Variants in PPP2R2C observed in about 807,000 individuals in gnomAD.
PPP2R2C encodes protein phosphatase 2, regulatory subunit B, gamma.
In PPP2R2C, 10 loss-of-function variants were observed where a neutral mutation model predicts 45.3. The ratio of observed to expected loss-of-function variants is 0.22; its 90% CI spans 0.14 to 0.37. The LOEUF (loss-of-function observed/expected upper bound fraction) is 0.37. Among genes scored for constraint, PPP2R2C ranks in the 10% least tolerant of loss-of-function variants. The pLI, the probability that PPP2R2C is intolerant of heterozygous loss-of-function variation, is 1.00. For synonymous variants in PPP2R2C, 257 were observed against 245.4 expected (o/e 1.05, Z -0.44); for missense variants, 308 against 619.7 (o/e 0.50, Z 5.34).
intron 1 of PPP2R2C, among the ~76,000 whole-genome samples, chr4:6,398,630 C>T (rs4689432): frequency 0.17 from 25,221 of 152,018 alleles, 2,393 homozygotes; most frequent in South Asian, 0.26. Context: ...GAGCAAACAG[C>T]CCCTCACACA....
intron 1 of PPP2R2C, chr4:6,383,369 G>A: frequency 1.6e-6 from 2 of 1,289,780 alleles, no homozygotes; most frequent in South Asian, 2.5e-5. Context: ...GTATGCACGG[G>A]GTCTCGTGTT....
In PPP2R2C at chr4:6,471,841, T is replaced by TA. The variant is rs1721903969; in HGVS notation, c.70+318dup. On this transcript the variant is annotated intron_variant, in intron 1 of 8. Coordinates refer to ENST00000382599, the MANE Select transcript of PPP2R2C (RefSeq NM_020416.4). The surrounding 1 kb of genome is among the most constrained non-coding windows in gnomAD (Gnocchi z 5.6). Reference sequence around the variant, plus strand: ...CAGATTAGCCACAGCCGTGGCCTTTTAAAAAATTATGGTCAGGGCCGAATC... The same window carrying TA: ...CAGATTAGCCACAGCCGTGGCCTTTTAAAAAAATTATGGTCAGGGCCGAATC... Among the ~76,000 whole-genome samples, 2 of 152,028 alleles carry TA rather than the reference T, an allele frequency of 1.3e-5. No homozygotes were observed. Among genetic ancestry groups the TA allele is most frequent in the South Asian group, 2.1e-4 (1 of 4,800 alleles).
At chr4:6,492,255 C>G (rs1235731688) in intron 2 of PPP2R2C, among the ~76,000 whole-genome samples, 4 of 152,184 alleles carry the variant, frequency 2.6e-5, no homozygotes, top group African/African-American at 9.7e-5. Context: ...TTGGCCAGAG[C>G]CAGAGAAGGT....
At chr4:6,516,133 T>G (rs1222480868) in intron 2 of PPP2R2C, among the ~76,000 whole-genome samples, 1 of 152,198 alleles carries the variant, frequency 6.6e-6, no homozygotes, top group Non-Finnish European at 1.5e-5. Context: ...TCAACAAGTA[T>G]TTGGTGGTGG....
chr4:6,414,649 G>A (rs923024818), intron 1 of PPP2R2C, among the ~76,000 whole-genome samples: 4 of 151,740 alleles, frequency 2.6e-5, no homozygotes, highest in East Asian at 1.9e-4. Flanking sequence ...TGGGGAAACC[G>A]AGGCTCAGAG....
intron 2 of PPP2R2C, among the ~76,000 whole-genome samples, chr4:6,512,602 G>C (rs1360367447): frequency 8.1e-6 from 1 of 123,144 alleles, no homozygotes; most frequent in South Asian, 3.0e-4. Context: ...GATGGTGGTG[G>C]TGGTGATTAT....
chr4:6,390,302 G>A (rs939169754), intron 1 of PPP2R2C, among the ~76,000 whole-genome samples: 1 of 152,134 alleles, frequency 6.6e-6, no homozygotes. Context: ...ATACAGCGGG[G>A]TCTCCCTAGG....
intron 1 of PPP2R2C, among the ~76,000 whole-genome samples, chr4:6,456,651 G>A (rs892182567): frequency 2.6e-5 from 4 of 152,228 alleles, no homozygotes; most frequent in African/African-American, 9.6e-5. Flanking sequence ...CTGGAGGGCT[G>A]CACACTGAAC....
chr4:6,366,669 T>A (rs968540318), intron 5 of PPP2R2C, among the ~76,000 whole-genome samples: 4 of 152,164 alleles, frequency 2.6e-5, no homozygotes, highest in Admixed American at 1.3e-4. Flanking sequence ...GGCTGTGAGA[T>A]GCTGCAAGTG....
At chr4:6,505,336 A>G (rs1169078478) in intron 2 of PPP2R2C, among the ~76,000 whole-genome samples, 2 of 152,266 alleles carry the variant, frequency 1.3e-5, no homozygotes, top group Non-Finnish European at 2.9e-5. Context: ...ACAGATTTTC[A>G]GGAAGCAATG....
chr4:6,562,069 G>A (rs1488871203), intron 1 of PPP2R2C, among the ~76,000 whole-genome samples: 2 of 152,166 alleles, frequency 1.3e-5, no homozygotes, highest in Admixed American at 6.5e-5. Context: ...CCAGGTGGGC[G>A]GAAACCCTCA....
chr4:6,448,044 G>A (rs1489654700), intron 1 of PPP2R2C, among the ~76,000 whole-genome samples: 1 of 152,112 alleles, frequency 6.6e-6, no homozygotes, highest in Non-Finnish European at 1.5e-5. Context: ...CGTGGGAGCC[G>A]CACTACGACC....
At chr4:6,435,730 G>A (rs550346739) in intron 1 of PPP2R2C, among the ~76,000 whole-genome samples, 1 of 152,284 alleles carries the variant, frequency 6.6e-6, no homozygotes, top group South Asian at 2.1e-4. Context: ...TTCTTGTTAA[G>A]ATCAGATGCC....
intron 2 of PPP2R2C, among the ~76,000 whole-genome samples, chr4:6,503,582 G>A (rs930764011): frequency 6.6e-6 from 1 of 152,104 alleles, no homozygotes; most frequent in Admixed American, 6.5e-5. Context: ...AGGCTCATGG[G>A]AGACCCCATA....
intron 2 of PPP2R2C, among the ~76,000 whole-genome samples, chr4:6,483,160 T>TTG (rs1722421537): frequency 6.6e-6 from 1 of 150,904 alleles, no homozygotes; most frequent in Non-Finnish European, 1.5e-5. Flanking sequence ...GATTGATAGA[T>TTG]AGACGATAGA....
In PPP2R2C at chr4:6,329,564, AC is replaced by A. The variant is rs1732238165; in HGVS notation, c.961-212del. Reference sequence around the variant, plus strand: ...AGGCCCATGACCAGGCACACGGCTGACCCCGACCGTGACACAGCCCAATACA... The same window carrying A: ...AGGCCCATGACCAGGCACACGGCTGACCCGACCGTGACACAGCCCAATACA... On this transcript the variant is annotated intron_variant, in intron 7 of 8. Transcript: ENST00000382599. This position sits in a 1 kb window ranked among gnomAD's most constrained non-coding sequence, Gnocchi z 5.8. Among the ~76,000 whole-genome samples the A allele has an allele frequency of 6.7e-6, 1 of 148,996 alleles. No individual in the cohort carries two copies. Among genetic ancestry groups the A allele is most frequent in the African/African-American group, 2.5e-5 (1 of 40,020 alleles).
intron 1 of PPP2R2C, 87 bp from the exon 2 acceptor site, chr4:6,381,181 TC>T: frequency 6.5e-7 from 1 of 1,547,916 alleles, no homozygotes; most frequent in Non-Finnish European, 8.7e-7. Context: ...AATGGCGAGC[TC>T]CCCGCTCCCC....
chr4:6,348,636 G>A, intron 5 of PPP2R2C: 1 of 985,244 alleles, frequency 1.0e-6, no homozygotes, highest in African/African-American at 1.7e-5. Context: ...CCAGACCCCA[G>A]GACTTGGAAT....
At chr4:6,357,576 G>A (rs1713323734) in intron 5 of PPP2R2C, among the ~76,000 whole-genome samples, 1 of 152,218 alleles carries the variant, frequency 6.6e-6, no homozygotes, top group East Asian at 1.9e-4. Context: ...GCCTACAGGA[G>A]GCGATGCAGT....
Sources: gnomAD v4.1 joint callset for allele counts (sites outside exome capture counted in the v4.1 genomes callset) on GRCh38, gnomAD v4.1.1 for gene constraint, Gnocchi (gnomAD v3.1) non-coding constraint, MANE v1.5 for transcripts, NCBI Gene and HGNC (gene_info 2026-07-23, HGNC 2026-07-21) for gene names.